The following PRMT7 variants were observed in gnomAD, a reference collection of about 807,000 sequenced individuals.
The protein encoded by PRMT7 is protein arginine N-methyltransferase 7.
In PRMT7, 75 loss-of-function variants were observed where a neutral mutation model predicts 85.4. The ratio of observed to expected loss-of-function variants is 0.88; its 90% CI spans 0.73 to 1.06. The LOEUF (loss-of-function observed/expected upper bound fraction) is 1.06, where lower values mean the gene tolerates loss of function less well. PRMT7 is among the 50% of genes least tolerant of loss of function. PRMT7 has a pLI of 0.00. For synonymous variants in PRMT7, 397 were observed against 359.5 expected, an observed-to-expected ratio of 1.10 and a Z score of -1.18; for missense variants, 868 against 915.2, an observed-to-expected ratio of 0.95 and a Z score of 0.67.
rs1048429527 is a variant in PRMT7 at position 68,357,461 on chromosome 16, C to T, written c.*237C>T. The T allele has an allele frequency of 4.4e-5, 22 of 501,456 alleles. No individual in the cohort carries two copies. The highest frequency in any genetic ancestry group is 7.0e-5 in the Non-Finnish European group (20 of 286,884). 31.1% of individuals were successfully genotyped at this position (501,456 alleles called of 1,614,324 possible). The stretch of plus-strand genomic sequence containing the variant: ...GGAGCCCTGGAGGGGCTGGGAAGAC[C>T]CCCCTGCTTGTGCTTCTGAGGTGCT... On this transcript the variant is annotated 3_prime_UTR_variant, in exon 19 of 19. Transcript: ENST00000441236.
chr16:68,359,657 T>G (rs1463996729), downstream of PRMT7: 3 of 152,650 alleles, frequency 2.0e-5, no homozygotes, highest in African/African-American at 7.2e-5. Context: ...CCCTCCAGCC[T>G]CACCAGGCAA....
At chr16:68,345,610 C>T in intron 9 of PRMT7, 65 bp from the exon 10 acceptor site, 1 of 1,601,766 alleles carries the variant, frequency 6.2e-7, no homozygotes, top group Non-Finnish European at 8.5e-7. Flanking sequence ...TGGCATTTGG[C>T]TCCTGGATTA....
In PRMT7 at chr16:68,345,695, G is replaced by GT; in HGVS notation, c.949dup (p.Cys317LeufsTer25). 1 of 1,613,158 alleles carries GT rather than the reference G, an allele frequency of 6.2e-7. No homozygotes were observed. The highest frequency in any genetic ancestry group is 8.5e-7 in the Non-Finnish European group (1 of 1,180,020). ...TTCAGTGGCGGGACCACTGGATGCAGTGTGTGTACTTCCTGCCACAAGAGG... is the reference window on the plus strand; with the variant it reads ...TTCAGTGGCGGGACCACTGGATGCAGTTGTGTGTACTTCCTGCCACAAGAGG... On this transcript the variant is annotated frameshift_variant, in exon 10 of 19. Transcript: ENST00000441236. LOFTEE classifies it high-confidence loss of function.
intron 6 of PRMT7, 67 bp from the exon 7 acceptor site, chr16:68,337,392 A>G (rs188978168): frequency 4.1e-5 from 45 of 1,106,902 alleles, no homozygotes; most frequent in Admixed American, 2.5e-4. Context: ...TATCTTTCCC[A>G]TATTTGCTGT....
intron 6 of PRMT7, among the ~76,000 whole-genome samples, chr16:68,335,411 G>A (rs1480663616): frequency 6.6e-6 from 1 of 152,084 alleles, no homozygotes; most frequent in Admixed American, 6.6e-5. Flanking sequence ...CGTGTTAGCT[G>A]GGGTGGGTGG....
chr16:68,355,723 C>G lies in PRMT7; in HGVS notation c.1651C>G (p.Arg551Gly), dbSNP rs145433823. 22 of 1,585,860 alleles carry G rather than the reference C, an allele frequency of 1.4e-5. No homozygotes were observed. The highest frequency in any genetic ancestry group is 1.7e-4 in the Middle Eastern group (1 of 5,962). Residue 551 changes from arginine to glycine, a missense_variant and splice_region_variant, in exon 17 of 19, where the codon CGT becomes GGT. Coordinates refer to ENST00000441236, the MANE Select transcript of PRMT7 (RefSeq NM_019023.5). ...CCCCCAGGCCCCCTTCTGTTCGCAGCGTGCCCTGGACTTCAGGGAGAGCAG... is the reference window on the plus strand; with the variant it reads ...CCCCCAGGCCCCCTTCTGTTCGCAGGGTGCCCTGGACTTCAGGGAGAGCAG... The part of the protein sequence containing the change: ...DVHIMDDMIK[R>G]ALDFRESREA...
chr16:68,343,588 G>A (rs768787108), intron 9 of PRMT7, among the ~76,000 whole-genome samples: 28 of 152,198 alleles, frequency 1.8e-4, no homozygotes, highest in Non-Finnish European at 3.7e-4. Context: ...CCCTGTGGTA[G>A]GTAGTATGGG....
At chr16:68,329,876 TACACACACAC>T (rs6145876) in intron 6 of PRMT7, among the ~76,000 whole-genome samples, 3 of 148,720 alleles carry the variant, frequency 2.0e-5, no homozygotes, top group Non-Finnish European at 4.5e-5. Flanking sequence ...TATGTATATG[TACACACACAC>T]ACACACACAC....
At chr16:68,355,419 T>C (rs1200840280) in intron 16 of PRMT7, 9 of 252,612 alleles carry the variant, frequency 3.6e-5, no homozygotes, top group Non-Finnish European at 5.3e-5. Flanking sequence ...GTCACCAAGT[T>C]TCTAGGTGCT....
chr16:68,339,685 C>T (rs2085229908), intron 8 of PRMT7, 103 bp from the exon 9 acceptor site: 1 of 1,573,682 alleles, frequency 6.4e-7, no homozygotes, highest in South Asian at 1.1e-5. Flanking sequence ...AGGCAAGAGT[C>T]CTTTGCAGCC....
intron 7 of PRMT7, 64 bp downstream of exon 7, chr16:68,337,635 C>T: frequency 1.8e-6 from 2 of 1,113,188 alleles, no homozygotes; most frequent in Non-Finnish European, 2.6e-6. Flanking sequence ...AGCACTCACT[C>T]ATGCACCGTG....
At chr16:68,328,281 C>T (rs2083373235) in intron 5 of PRMT7, 1 of 160,292 alleles carries the variant, frequency 6.2e-6, no homozygotes, top group South Asian at 1.6e-4. Flanking sequence ...TACCGTAAAT[C>T]CTGCCCTTCG....
chr16:68,350,329 T>A (rs1252996962), intron 14 of PRMT7, among the ~76,000 whole-genome samples: 1 of 152,206 alleles, frequency 6.6e-6, no homozygotes, highest in East Asian at 1.9e-4. Flanking sequence ...ATCGACTTTT[T>A]AAGAAGCTGC....
At chr16:68,316,129 C>A in intron 3 of PRMT7, 55 bp downstream of exon 3, 1 of 1,464,370 alleles carries the variant, frequency 6.8e-7, no homozygotes, top group Non-Finnish European at 9.5e-7. Context: ...GATCTCAAAG[C>A]AGATGCCTTG....
intron 4 of PRMT7, chr16:68,324,010 C>G (rs886261884): frequency 1.1e-4 from 17 of 152,318 alleles, no homozygotes; most frequent in Admixed American, 1.0e-3. Context: ...TAAAGGAAAA[C>G]AAGCCATACA....
Position 68,355,868 on chromosome 16 carries a change from C to T in PRMT7, c.1796C>T (p.Thr599Ile). The change falls in exon 17 of 19, where the codon ACC (threonine) becomes ATC (isoleucine). Residue 599 changes from threonine to isoleucine, a missense_variant. By Grantham distance (89) the Thr-to-Ile change is moderately conservative. Transcript: ENST00000441236. ...CTGCAGCCCCTGTGTGCCGAGGGCA[C>T]CGTGGAGCTCAGAAGGTGGGTGCAG... ...VPLQPLCAEG[T>I]VELRRPGQSH... 6.2e-7 allele frequency: 1 copy of T among 1,601,564 alleles called. No individual in the cohort carries two copies.
At chr16:68,337,261 A>G (rs1263094293) in intron 6 of PRMT7, among the ~76,000 whole-genome samples, 198 bp from the exon 7 acceptor site, 1 of 152,112 alleles carries the variant, frequency 6.6e-6, no homozygotes, top group South Asian at 2.1e-4. Flanking sequence ...GTTTTGTCAT[A>G]CATTTACATA....
At chr16:68,359,858 TG>T, downstream of PRMT7, 1 of 152,542 alleles carries the variant, frequency 6.6e-6, no homozygotes, top group Non-Finnish European at 1.5e-5. Context: ...CGAAGGGGCC[TG>T]GGGGCTGTAG....
rs755232949 is a variant in PRMT7 at position 68,355,890 on chromosome 16, G to T, written c.1811+7G>T. The T allele has an allele frequency of 7.0e-6, 11 of 1,576,236 alleles. No individual in the cohort carries two copies. Among genetic ancestry groups the T allele is most frequent in the Admixed American group, 1.7e-5 (1 of 57,980 alleles). On this transcript the variant is annotated splice_region_variant and intron_variant, in intron 17 of 18. Transcript: ENST00000441236. ...GCACCGTGGAGCTCAGAAGGTGGGT[G>T]CAGAGAGGGCTGGGGGGCAGGGAGG...
Sources: gnomAD v4.1 joint callset for allele counts (sites outside exome capture counted in the v4.1 genomes callset) on GRCh38, gnomAD v4.1.1 for gene constraint, MANE v1.5 for transcripts, NCBI Gene and HGNC (gene_info 2026-07-23, HGNC 2026-07-21) for gene names.